Variants in PEPD observed in about 807,000 individuals in gnomAD.
PEPD encodes the protein xaa-Pro dipeptidase.
Under a neutral mutation model 60.7 loss-of-function variants are expected in PEPD, and 53 were observed. The observed-to-expected ratio is 0.87, with a 90% confidence interval of 0.70 to 1.10. The LOEUF (loss-of-function observed/expected upper bound fraction) is 1.10. Among genes scored for constraint, PEPD ranks in the 50% least tolerant of loss-of-function variants. PEPD has a pLI of 0.00. For synonymous variants in PEPD, 267 were observed against 284.1 expected (o/e 0.94, Z 0.60); for missense variants, 711 against 711.9 (o/e 1.00, Z 0.01).
rs1487018259 is a variant in PEPD, at chr19:33,489,996, T to C, written c.503A>G (p.Lys168Arg). Residue 168 changes from lysine (K) to arginine (R), a missense_variant and splice_region_variant, in exon 6 of 15, where the codon AAG (lysine) becomes AGG (arginine). Physicochemically the swap from Lys to Arg is conservative, Grantham distance 26. Coordinates refer to ENST00000244137, the MANE Select transcript of PEPD (RefSeq NM_000285.4). ...CREASFDGIS[K>R]FEVNNTILHP... is the part of the protein sequence containing the mutation. ...GAGTCCCTGGGGGCCCAGGACTCAC[T>C]TGCTGATGCCGTCAAAGGAGGCCTC... is the stretch of plus-strand genomic sequence containing the variant. 4 of 1,600,062 alleles carry C rather than the reference T, an allele frequency of 2.5e-6. No homozygotes were observed. The highest frequency in any genetic ancestry group is 3.4e-6 in the Non-Finnish European group (4 of 1,170,014).
chr19:33,516,027 TC>T (rs1971016486), intron 1 of PEPD, among the ~76,000 whole-genome samples: 1 of 151,998 alleles, frequency 6.6e-6, no homozygotes, highest in African/African-American at 2.4e-5. Flanking sequence ...TGCTTATTTC[TC>T]CATGGGGCTC....
intron 12 of PEPD, among the ~76,000 whole-genome samples, chr19:33,400,773 A>T (rs1242191205): frequency 6.6e-6 from 1 of 152,230 alleles, no homozygotes; most frequent in Non-Finnish European, 1.5e-5. Context: ...AAAGGTGACA[A>T]GCCAGGACCT....
In PEPD at chr19:33,417,634, T is replaced by C. The variant is rs117427565; in HGVS notation, c.672-3991A>G. 9.2e-5 allele frequency among the ~76,000 whole-genome samples: 14 copies of C among 152,236 alleles called. No individual in the cohort carries two copies. In the East Asian group the frequency reaches 2.7e-3, roughly 29 times the overall value. ...CGAATGATTTAACATACATGGAGTA[T>C]ACACAATGGTGCCTGGTACCCAAGG... On this transcript the variant is annotated intron_variant, in intron 9 of 14. Transcript: ENST00000244137.
At chr19:33,442,117 G>A (rs1030427693) in intron 9 of PEPD, among the ~76,000 whole-genome samples, 1 of 152,188 alleles carries the variant, frequency 6.6e-6, no homozygotes, top group African/African-American at 2.4e-5. Context: ...ATAGTCCCTG[G>A]GCCTGGCACA....
intron 9 of PEPD, among the ~76,000 whole-genome samples, chr19:33,422,133 C>T (rs1969033254): frequency 6.6e-6 from 1 of 152,054 alleles, no homozygotes; most frequent in African/African-American, 2.4e-5. Context: ...CCTGGAACTG[C>T]CAGGCAAGTT....
chr19:33,518,898 G>T (rs1971077845), intron 1 of PEPD, among the ~76,000 whole-genome samples: 1 of 152,148 alleles, frequency 6.6e-6, no homozygotes. Flanking sequence ...GCTGGGAAAG[G>T]CTTCTGGGAA....
At chr19:33,404,772 G>C (rs1474607556) in intron 11 of PEPD, among the ~76,000 whole-genome samples, 1 of 152,150 alleles carries the variant, frequency 6.6e-6, no homozygotes, top group African/African-American at 2.4e-5. Flanking sequence ...GTATGGAGCT[G>C]AAGTCTATTT....
chr19:33,460,649 C>T (rs1304141799), intron 9 of PEPD, among the ~76,000 whole-genome samples: 2 of 152,166 alleles, frequency 1.3e-5, no homozygotes, highest in East Asian at 3.9e-4. Context: ...CTGGTGGGCA[C>T]GGTTTCCCCT....
chr19:33,437,691 A>C (rs996619202), intron 9 of PEPD, among the ~76,000 whole-genome samples: 6 of 152,218 alleles, frequency 3.9e-5, no homozygotes, highest in Admixed American at 2.0e-4. Flanking sequence ...AAGTGCAGAG[A>C]GCCCGTTGGA....
chr19:33,433,645 C>T (rs974765374), intron 9 of PEPD, among the ~76,000 whole-genome samples: 1 of 152,172 alleles, frequency 6.6e-6, no homozygotes, highest in Non-Finnish European at 1.5e-5. Context: ...CTAATAGACT[C>T]GATATTCAGG....
intron 7 of PEPD, 46 bp from the exon 8 acceptor site, chr19:33,464,108 G>T: frequency 7.1e-7 from 1 of 1,399,884 alleles, no homozygotes; most frequent in Non-Finnish European, 1.0e-6. Context: ...ACTTTCAGGA[G>T]GCACTGGCTG....
At chr19:33,416,059 G>T (rs1030176198) in intron 9 of PEPD, among the ~76,000 whole-genome samples, 55 of 152,358 alleles carry the variant, frequency 3.6e-4, no homozygotes, top group African/African-American at 1.3e-3. Flanking sequence ...CAGGGGGCCT[G>T]TGGAAGCGTG....
intron 9 of PEPD, among the ~76,000 whole-genome samples, chr19:33,428,685 C>G (rs1969205397): frequency 6.6e-6 from 1 of 152,236 alleles, no homozygotes; most frequent in Admixed American, 6.5e-5. Context: ...CCCCACACTT[C>G]TACACTGCAG....
chr19:33,517,960 A>G (rs1971055279), intron 1 of PEPD, among the ~76,000 whole-genome samples: 1 of 151,854 alleles, frequency 6.6e-6, no homozygotes, highest in African/African-American at 2.4e-5. Flanking sequence ...CTCTCAAAAA[A>G]AAAAAAAAAA....
intron 10 of PEPD, 52 bp downstream of exon 10, chr19:33,413,523 C>G: frequency 9.7e-7 from 1 of 1,026,402 alleles, no homozygotes. Flanking sequence ...TCACTAACTG[C>G]CCTACCTCCT....
intron 12 of PEPD, among the ~76,000 whole-genome samples, chr19:33,392,759 C>T (rs1374542188): frequency 6.6e-6 from 1 of 152,112 alleles, no homozygotes; most frequent in African/African-American, 2.4e-5. Flanking sequence ...CCTGAGCTGG[C>T]GAGGGCTGGG....
chr19:33,499,400 G>A (rs116156155), intron 4 of PEPD, among the ~76,000 whole-genome samples: 1,615 of 152,236 alleles, frequency 0.011, 29 homozygotes, highest in African/African-American at 0.036. Flanking sequence ...ACCACCCTGC[G>A]GTGACTGTTC....
intron 9 of PEPD, among the ~76,000 whole-genome samples, chr19:33,444,112 C>T (rs1004595956): frequency 2.6e-5 from 4 of 151,946 alleles, no homozygotes; most frequent in African/African-American, 9.7e-5. Context: ...GCGGGTAGGG[C>T]GAGAAGAGTG....
In PEPD at chr19:33,511,214, G is replaced by A. The variant is rs540340483; in HGVS notation, c.202-59C>T. The A allele has an allele frequency of 6.8e-4, 1,089 of 1,593,806 alleles. 3 individuals carry two copies. The highest frequency in any genetic ancestry group is 1.4e-3 in the South Asian group (130 of 90,022). On this transcript the variant is annotated intron_variant, in intron 2 of 14. Coordinates refer to ENST00000244137, the MANE Select transcript of PEPD (RefSeq NM_000285.4). The stretch of plus-strand genomic sequence containing the variant: ...GGAACATGAGGTGCAAGGAGGGACC[G>A]GTGGCTGCATCACAGCACCCTAGAG...
Sources: allele counts gnomAD v4.1 joint callset (sites outside exome capture counted in the v4.1 genomes callset), GRCh38; gene constraint gnomAD v4.1.1; transcripts MANE v1.5; gene names NCBI Gene and HGNC (gene_info 2026-07-23, HGNC 2026-07-21).